The following PTPN21 variants were observed in gnomAD, a reference collection of about 807,000 sequenced individuals.
PTPN21 encodes protein tyrosine phosphatase non-receptor type 21.
Under a neutral mutation model 131.8 loss-of-function variants are expected in PTPN21, and 77 were observed. The ratio of observed to expected loss-of-function variants is 0.58; its 90% CI spans 0.49 to 0.71. The LOEUF is 0.71. PTPN21 is among the 30% of genes least tolerant of loss of function. PTPN21 has a pLI of 0.00. For synonymous variants in PTPN21, 715 were observed against 621.3 expected (o/e 1.15, Z -2.24); for missense variants, 1,552 against 1,527.1 (o/e 1.02, Z -0.27).
intron 13 of PTPN21, among the ~76,000 whole-genome samples, chr14:88,475,241 G>A (rs2077533069): frequency 6.6e-6 from 1 of 152,296 alleles, no homozygotes; most frequent in Admixed American, 6.5e-5. Context: ...AACAGGCCAT[G>A]AAGCCCCATG....
In PTPN21 at chr14:88,546,091, A is replaced by C. The variant is rs539743938; in HGVS notation, c.180+4147T>G. 9.2e-5 allele frequency among the ~76,000 whole-genome samples: 14 copies of C among 152,144 alleles called. No individual in the cohort carries two copies. In the South Asian group the frequency reaches 2.9e-3, roughly 32 times the overall value. On this transcript the variant is annotated intron_variant, in intron 2 of 18. Coordinates refer to ENST00000556564, the MANE Select transcript of PTPN21 (RefSeq NM_007039.4). ...AACCTAAGTTAACTACATTGGATAC[A>C]TGTATATTAACCACGTTGCTTTTAA...
chr14:88,474,935 T>C (rs2077527055), intron 13 of PTPN21, among the ~76,000 whole-genome samples: 1 of 151,934 alleles, frequency 6.6e-6, no homozygotes. Context: ...CTACTAAAAA[T>C]ACAAAAATTA....
intron 10 of PTPN21, among the ~76,000 whole-genome samples, chr14:88,488,716 G>C (rs746549871): frequency 6.6e-6 from 1 of 152,098 alleles, no homozygotes; most frequent in Non-Finnish European, 1.5e-5. Flanking sequence ...GACTTGGAAG[G>C]CTGAGGCAGG....
intron 8 of PTPN21, among the ~76,000 whole-genome samples, chr14:88,498,100 TAAA>T (rs61667883): frequency 0.043 from 5,151 of 119,474 alleles, 297 homozygotes; most frequent in African/African-American, 0.15. Context: ...AAACTCTGTC[TAAA>T]AAAAAAAAAA....
At position 88,496,419 on chromosome 14, in the gene PTPN21, C is replaced by T. The variant is rs1023219253; in HGVS notation, c.926G>A (p.Cys309Tyr). Residue 309 changes from cysteine to tyrosine, a missense_variant, in exon 10 of 19, where the codon TGT becomes TAT. Transcript: ENST00000556564. ...ARHKFYRLNQCNLQTQTVTVN... is the reference protein window; with the variant it reads ...ARHKFYRLNQYNLQTQTVTVN... ...ATGAGCAGGACATACTTACAGGTTACACTGGTTTAGTCTGTAAAACTTGTG... is the reference window on the plus strand; with the variant it reads ...ATGAGCAGGACATACTTACAGGTTATACTGGTTTAGTCTGTAAAACTTGTG... The T allele has an allele frequency of 3.1e-6, 5 of 1,610,046 alleles. No individual in the cohort carries two copies. In the Admixed American group the frequency reaches 6.7e-5, roughly 21 times the overall value.
chr14:88,501,442 C>G lies in PTPN21; in HGVS notation c.588-74G>C, dbSNP rs527727289. On this transcript the variant is annotated intron_variant, in intron 6 of 18. Coordinates refer to ENST00000556564, the MANE Select transcript of PTPN21 (RefSeq NM_007039.4). The stretch of plus-strand genomic sequence containing the variant: ...TTTAAAATAAAGCTTTTCTTAAAAC[C>G]TATATGTCAATTTAGCATAAGACAT... The G allele has an allele frequency of 1.0e-5, 13 of 1,242,470 alleles. No homozygotes were observed. The South Asian group carries it at 1.6e-4, about 15-fold the overall frequency. The allele number at this position is 1,242,470 out of a possible 1,614,324, so 77.0% of individuals were successfully genotyped here. A position where few individuals can be genotyped will look rare whatever the true frequency, so the allele number is the denominator to read the frequency against.
At chr14:88,538,478 C>A (rs887458190) in intron 2 of PTPN21, among the ~76,000 whole-genome samples, 2 of 152,246 alleles carry the variant, frequency 1.3e-5, no homozygotes, top group African/African-American at 4.8e-5. Context: ...GATTCCCCAA[C>A]AGTGTCTTGC....
chr14:88,502,457 G>A (rs1361844802), intron 6 of PTPN21, among the ~76,000 whole-genome samples: 1 of 152,026 alleles, frequency 6.6e-6, no homozygotes, highest in Non-Finnish European at 1.5e-5. Context: ...CCCTCTAACT[G>A]CACTCATTAT....
chr14:88,525,548 A>T (rs548199663), intron 2 of PTPN21, among the ~76,000 whole-genome samples: 1 of 152,340 alleles, frequency 6.6e-6, no homozygotes, highest in African/African-American at 2.4e-5. Flanking sequence ...ATAATTTAAA[A>T]AATAGGAAGT....
chr14:88,528,983 G>T (rs1018512411), intron 2 of PTPN21, among the ~76,000 whole-genome samples: 3 of 152,110 alleles, frequency 2.0e-5, no homozygotes, highest in Non-Finnish European at 4.4e-5. Flanking sequence ...TCTCTTGTCT[G>T]ATTGCTCTGG....
chr14:88,526,547 C>CAAAAAAAAAAAA (rs10587204), intron 2 of PTPN21, among the ~76,000 whole-genome samples: 1 of 56,912 alleles, frequency 1.8e-5, no homozygotes, highest in African/African-American at 8.2e-5. Context: ...GAGATGATCT[C>CAAAAAAAAAAAA]AAAAAAAAAA....
chr14:88,540,396 T>C (rs1459227291), intron 2 of PTPN21, among the ~76,000 whole-genome samples: 3 of 152,176 alleles, frequency 2.0e-5, no homozygotes, highest in African/African-American at 7.2e-5. Flanking sequence ...ATTCTTACTA[T>C]TACATGCAGC....
intron 5 of PTPN21, among the ~76,000 whole-genome samples, chr14:88,504,914 T>C (rs888954455): frequency 2.6e-5 from 4 of 152,270 alleles, no homozygotes; most frequent in Non-Finnish European, 5.9e-5. Context: ...GAAGGCAGTG[T>C]CTTTGTCATC....
intron 13 of PTPN21, among the ~76,000 whole-genome samples, chr14:88,476,656 C>T (rs73329681): frequency 0.099 from 15,084 of 152,150 alleles, 920 homozygotes; most frequent in South Asian, 0.17. Context: ...GAGGTTCTGA[C>T]GCATGAAGGG....
chr14:88,520,766 A>C (rs2078377191), intron 2 of PTPN21, among the ~76,000 whole-genome samples: 1 of 152,238 alleles, frequency 6.6e-6, no homozygotes, highest in Non-Finnish European at 1.5e-5. Flanking sequence ...TGTAAAATAA[A>C]GTAATATCTC....
rs2077390990 is a variant in PTPN21, at chr14:88,467,980, G to A, written c.*157C>T. On this transcript the variant is annotated 3_prime_UTR_variant, in exon 19 of 19. Transcript: ENST00000556564. ...CCCCTCTTCAGCCTGTGCTTCGCAC[G>A]TTTCCTTCAGCGTGCCGCCATTCAG... The A allele has an allele frequency of 5.2e-6, 5 of 964,660 alleles. No homozygotes were observed. The highest frequency in any genetic ancestry group is 3.3e-5 in the African/African-American group (2 of 60,534). 59.8% of individuals were successfully genotyped at this position (964,660 alleles called of 1,614,324 possible).
chr14:88,475,938 C>T (rs2077542003), intron 13 of PTPN21, among the ~76,000 whole-genome samples: 1 of 152,132 alleles, frequency 6.6e-6, no homozygotes, highest in African/African-American at 2.4e-5. Flanking sequence ...CCTTAATTAG[C>T]CCTTAGAATA....
chr14:88,472,123 A>G lies in PTPN21; in HGVS notation c.2871+121T>C, dbSNP rs570667357. The G allele has an allele frequency of 6.1e-6, 4 of 653,874 alleles. No individual in the cohort carries two copies. In the East Asian group the frequency reaches 8.2e-5, roughly 13 times the overall value. The allele number at this position is 653,874 out of a possible 1,614,324, so 40.5% of individuals were successfully genotyped here. A position where few individuals can be genotyped will look rare whatever the true frequency, so the allele number is the denominator to read the frequency against. ...AAAACTAGGGTGTTTATCTAAAACA[A>G]TACAATAAAAATAAATTTTAAAATA... On this transcript the variant is annotated intron_variant, in intron 15 of 18. Coordinates refer to ENST00000556564, the MANE Select transcript of PTPN21 (RefSeq NM_007039.4).
At chr14:88,497,364 T>A in intron 8 of PTPN21, 74 bp from the exon 9 acceptor site, 1 of 1,222,354 alleles carries the variant, frequency 8.2e-7, no homozygotes, top group Non-Finnish European at 1.2e-6. Flanking sequence ...TACACAAGTT[T>A]TCCCTAAGCC....
Sources: allele counts gnomAD v4.1 joint callset (sites outside exome capture counted in the v4.1 genomes callset), GRCh38; gene constraint gnomAD v4.1.1; transcripts MANE v1.5; gene names NCBI Gene and HGNC (gene_info 2026-07-23, HGNC 2026-07-21).